Variants in LSAMP observed in about 807,000 individuals in gnomAD.
LSAMP encodes limbic system associated membrane protein, also known as limbic system-associated membrane protein.
A neutral mutation model predicts 38.6 loss-of-function variants in LSAMP; 7 were observed. The observed-to-expected ratio is 0.18, with a 90% CI of 0.10 to 0.34. The LOEUF is 0.34. LSAMP is among the 10% of genes least tolerant of loss of function. The pLI is 1.00. For missense variants in LSAMP, 313 were observed against 420.0 expected, an observed-to-expected ratio of 0.75 and a Z score of 2.23; for synonymous variants, 154 against 166.8, an observed-to-expected ratio of 0.92 and a Z score of 0.59.
intron 2 of LSAMP, among the ~76,000 whole-genome samples, chr3:116,072,386 A>G (rs1707628600): frequency 6.6e-6 from 1 of 152,176 alleles, no homozygotes; most frequent in South Asian, 2.1e-4. Flanking sequence ...TCTTTATAAT[A>G]GAATGATTTA....
intron 1 of LSAMP, among the ~76,000 whole-genome samples, chr3:116,353,169 T>G (rs1284520153): frequency 6.6e-6 from 1 of 152,096 alleles, no homozygotes; most frequent in Non-Finnish European, 1.5e-5. Flanking sequence ...GAGATACAGC[T>G]GCAGGCAAAC....
intron 1 of LSAMP, among the ~76,000 whole-genome samples, chr3:116,310,198 C>A (rs1036910483): frequency 6.6e-6 from 1 of 152,142 alleles, no homozygotes; most frequent in Admixed American, 6.5e-5. Context: ...TTCAGACATA[C>A]CATCAAGAGC....
intron 2 of LSAMP, among the ~76,000 whole-genome samples, chr3:116,038,838 T>C (rs1941104522): frequency 6.6e-6 from 1 of 152,232 alleles, no homozygotes; most frequent in South Asian, 2.1e-4. Context: ...TCTTCCCTTA[T>C]ATTGGGTAAG....
chr3:115,835,678 C>A (rs1934758689), intron 6 of LSAMP, among the ~76,000 whole-genome samples: 1 of 152,234 alleles, frequency 6.6e-6, no homozygotes, highest in East Asian at 1.9e-4. Flanking sequence ...GTGCCTTATG[C>A]TTAAAAAGAG....
intron 3 of LSAMP, among the ~76,000 whole-genome samples, chr3:115,853,177 T>A (rs1174867904): frequency 6.6e-6 from 1 of 152,240 alleles, no homozygotes; most frequent in Non-Finnish European, 1.5e-5. Flanking sequence ...AACATTGTTA[T>A]TAGACAAAGT....
At chr3:116,054,403 C>G (rs937348364) in intron 2 of LSAMP, among the ~76,000 whole-genome samples, 3 of 152,064 alleles carry the variant, frequency 2.0e-5, no homozygotes, top group African/African-American at 7.2e-5. Flanking sequence ...GAGTAAACAT[C>G]TCCAGCGTGG....
chr3:116,371,201 G>T (rs1254638947), intron 1 of LSAMP, among the ~76,000 whole-genome samples: 1 of 152,070 alleles, frequency 6.6e-6, no homozygotes, highest in Non-Finnish European at 1.5e-5. Flanking sequence ...ACTTATTCAT[G>T]AAGCTAGCAT....
intron 1 of LSAMP, among the ~76,000 whole-genome samples, chr3:116,160,566 A>G (rs1327411601): frequency 6.6e-6 from 1 of 152,178 alleles, no homozygotes; most frequent in Non-Finnish European, 1.5e-5. Context: ...ATTGGATACT[A>G]TGCTTATTAC....
In LSAMP at chr3:116,445,011, C is replaced by T. The variant is rs971707451; in HGVS notation, c.21G>A (p.Pro7=). The change falls in exon 1 of 7, where the codon CCG becomes CCA. Residue 7 remains proline (P), a synonymous_variant. Transcript: ENST00000490035. The stretch of plus-strand genomic sequence containing the variant: ...GGACCAGTGGCAACTGTTTCCGATC[C>T]GGCTGAACTCTCCTGACCATGGTGG... MVRRVQ[P]DRKQLPLVLL... 1.2e-5 allele frequency: 20 copies of T among 1,613,652 alleles called. No homozygotes were observed. The Admixed American group carries it at 2.2e-4, about 17-fold the overall frequency.
chr3:116,237,974 T>C (rs2046486691), intron 1 of LSAMP, among the ~76,000 whole-genome samples: 1 of 152,150 alleles, frequency 6.6e-6, no homozygotes, highest in African/African-American at 2.4e-5. Context: ...TCCTATGTAT[T>C]GTAGGATGTT....
intron 1 of LSAMP, among the ~76,000 whole-genome samples, chr3:116,330,354 G>A (rs528171350): frequency 6.6e-4 from 100 of 152,168 alleles, no homozygotes; most frequent in African/African-American, 2.2e-3. Context: ...CAGCTTGTGG[G>A]GATAAGGGTG....
chr3:116,249,045 T>G (rs1406561220), intron 1 of LSAMP, among the ~76,000 whole-genome samples: 1 of 150,294 alleles, frequency 6.7e-6, no homozygotes, highest in Admixed American at 6.6e-5. Flanking sequence ...GCTACTCGGG[T>G]GGCTGAGACA....
At chr3:116,345,346 A>C (rs1325511532) in intron 1 of LSAMP, among the ~76,000 whole-genome samples, 1 of 152,212 alleles carries the variant, frequency 6.6e-6, no homozygotes, top group Non-Finnish European at 1.5e-5. Flanking sequence ...GTAAAAATGC[A>C]GAAATTAGAA....
chr3:116,430,361 G>T (rs1305566957), intron 1 of LSAMP, among the ~76,000 whole-genome samples: 1 of 151,968 alleles, frequency 6.6e-6, no homozygotes, highest in East Asian at 1.9e-4. Context: ...AAATAAACTA[G>T]AGAGGGAATT....
intron 1 of LSAMP, among the ~76,000 whole-genome samples, chr3:116,393,120 A>T (rs1278991499): frequency 3.9e-5 from 6 of 152,162 alleles, no homozygotes; most frequent in Non-Finnish European, 7.4e-5. Flanking sequence ...GACCTGCTGA[A>T]TGTCGAGGCT....
chr3:115,813,193 C>A (rs1688545926), intron 6 of LSAMP, among the ~76,000 whole-genome samples: 1 of 151,926 alleles, frequency 6.6e-6, no homozygotes, highest in African/African-American at 2.4e-5. Context: ...CAGTCATATG[C>A]TACATTACAT....
Position 116,061,004 on chromosome 3 carries a change from G to T in LSAMP, c.388+25320C>A, listed in dbSNP as rs9849517. Among the ~76,000 whole-genome samples the T allele has an allele frequency of 9.0e-3, 1,368 of 152,012 alleles. 26 individuals carry two copies. Among genetic ancestry groups the T allele is most frequent in the African/African-American group, 0.03 (1,234 of 41,460 alleles). On this transcript the variant is annotated intron_variant, in intron 2 of 6. Coordinates refer to ENST00000490035, the MANE Select transcript of LSAMP (RefSeq NM_002338.5). ...TCTAGTAGACAGAAATCTATCAGAA[G>T]ACATGAGAATATCATCCTCAAGTTG...
intron 3 of LSAMP, among the ~76,000 whole-genome samples, chr3:115,902,640 T>G (rs779508604): frequency 3.9e-5 from 6 of 151,948 alleles, no homozygotes; most frequent in Non-Finnish European, 8.8e-5. Context: ...TTAAAAAAAT[T>G]TATAAGAAAA....
intron 3 of LSAMP, among the ~76,000 whole-genome samples, chr3:115,974,918 G>A (rs993506303): frequency 2.6e-5 from 4 of 152,124 alleles, no homozygotes; most frequent in Admixed American, 1.3e-4. Flanking sequence ...TTTCTCTGGG[G>A]TCCCCTTGGC....
Sources: allele counts gnomAD v4.1 joint callset (sites outside exome capture counted in the v4.1 genomes callset), GRCh38; gene constraint gnomAD v4.1.1; transcripts MANE v1.5; gene names NCBI Gene and HGNC (gene_info 2026-07-23, HGNC 2026-07-21).